ACTR3: variants seen among roughly 807,000 people sequenced by gnomAD.
ACTR3 encodes the protein actin related protein 3, also known as actin-related protein 3.
A neutral mutation model predicts 56.8 loss-of-function variants in ACTR3; 12 were observed. The observed-to-expected ratio is 0.21, with a 90% confidence interval of 0.14 to 0.34. ACTR3 has a LOEUF of 0.34. ACTR3 is among the 10% of genes least tolerant of loss of function. The pLI is 1.00. For missense variants in ACTR3, 282 were observed against 512.5 expected (o/e 0.55, Z 4.34); for synonymous variants, 162 against 167.4 (o/e 0.97, Z 0.25).
intron 1 of ACTR3, among the ~76,000 whole-genome samples, chr2:113,895,471 A>T (rs572770586): frequency 7.3e-5 from 11 of 151,530 alleles, no homozygotes; most frequent in South Asian, 4.1e-4. Flanking sequence ...TATGGTTTTT[A>T]AAAAAACTGT....
At chr2:113,955,488 A>G (rs1021714646) in intron 10 of ACTR3, 135 bp from the exon 11 acceptor site, 17 of 621,830 alleles carry the variant, frequency 2.7e-5, no homozygotes, top group Admixed American at 8.9e-5. Context: ...GCCAATCTCA[A>G]TTGTTTCTGG....
At chr2:113,914,474 G>A (rs562569284) in intron 2 of ACTR3, among the ~76,000 whole-genome samples, 84 of 152,152 alleles carry the variant, frequency 5.5e-4, no homozygotes, top group African/African-American at 1.9e-3. Flanking sequence ...AGCCAGGCAT[G>A]GTGGTGCACA....
At chr2:113,900,156 C>A (rs1012803290) in intron 1 of ACTR3, among the ~76,000 whole-genome samples, 6 of 151,826 alleles carry the variant, frequency 4.0e-5, no homozygotes, top group African/African-American at 1.5e-4. Context: ...AGTATAGTCA[C>A]AAGGTTGTGC....
intron 1 of ACTR3, among the ~76,000 whole-genome samples, chr2:113,901,956 G>T (rs753267779): frequency 1.3e-5 from 2 of 152,158 alleles, no homozygotes; most frequent in Non-Finnish European, 2.9e-5. Context: ...TTACAATGCA[G>T]GCATAAGTTG....
intron 3 of ACTR3, among the ~76,000 whole-genome samples, chr2:113,917,689 A>G (rs1455008583): frequency 6.6e-6 from 1 of 152,146 alleles, no homozygotes; most frequent in Non-Finnish European, 1.5e-5. Flanking sequence ...CCCTTCTCAT[A>G]ATTTATTCAT....
rs1680331618 is a variant in ACTR3, at chr2:113,961,847, GA to G, written c.*4395del. ...AGGGAGAAGTCCAGCTATGTAAGGTGAAAGTGGGGCTTATAAAAGTGGATCT... is the reference window on the plus strand; with the variant it reads ...AGGGAGAAGTCCAGCTATGTAAGGTGAAGTGGGGCTTATAAAAGTGGATCT... On this transcript the variant is annotated 3_prime_UTR_variant, in exon 12 of 12. Coordinates refer to ENST00000263238, the MANE Select transcript of ACTR3 (RefSeq NM_005721.5). 1 of 151,994 alleles carries G rather than the reference GA, an allele frequency of 6.6e-6. No homozygotes were observed. Among genetic ancestry groups the G allele is most frequent in the Admixed American group, 6.6e-5 (1 of 15,246 alleles). 9.4% of individuals were successfully genotyped at this position (151,994 alleles called of 1,614,324 possible). A position where few individuals can be genotyped will look rare whatever the true frequency, so the allele number is the denominator to read the frequency against.
At chr2:113,894,110 A>G (rs1479622284) in intron 1 of ACTR3, among the ~76,000 whole-genome samples, 5 of 147,972 alleles carry the variant, frequency 3.4e-5, no homozygotes, top group Non-Finnish European at 6.0e-5. Flanking sequence ...TTTTTTTGAG[A>G]TGGAGTTTTG....
intron 1 of ACTR3, among the ~76,000 whole-genome samples, chr2:113,910,694 T>C (rs947525858): frequency 1.9e-4 from 29 of 152,156 alleles, no homozygotes; most frequent in African/African-American, 7.0e-4. Context: ...CTCCACACAT[T>C]TGGTCCCAGA....
intron 8 of ACTR3, chr2:113,951,128 A>G (rs1414223292): frequency 1.8e-5 from 3 of 171,304 alleles, no homozygotes; most frequent in Admixed American, 1.7e-4. Flanking sequence ...GGGGACACAG[A>G]GCCAGACCAT....
In ACTR3 at chr2:113,925,341, A is replaced by G. The variant is rs894742141; in HGVS notation, c.226-2004A>G. On this transcript the variant is annotated intron_variant, in intron 3 of 11. Transcript: ENST00000263238. ...CTCCCGAGTAGCTGGGATTATAGGC[A>G]TGCACCACCACGCCTGGCTAATTTT... Among the ~76,000 whole-genome samples, 3 of 150,776 alleles carry G rather than the reference A, an allele frequency of 2.0e-5. No homozygotes were observed. In the East Asian group the frequency reaches 5.9e-4, roughly 30 times the overall value.
Position 113,955,669 on chromosome 2 carries a change from A to G in ACTR3, c.1124A>G (p.Tyr375Cys). 6.2e-7 allele frequency: 1 copy of G among 1,613,600 alleles called. No individual in the cohort carries two copies. Reference protein sequence around the residue: ...VQVITHHMQRYAVWFGGSMLA... With the variant: ...VQVITHHMQRCAVWFGGSMLA... ...GTCATTACACACCACATGCAGCGAT[A>G]TGCAGTTTGGTTTGGAGGATCAATG... Residue 375 changes from tyrosine (Y) to cysteine (C), a missense_variant, in exon 11 of 12, where the codon TAT becomes TGT. Tyr to Cys is a radical substitution (Grantham distance 194). Transcript: ENST00000263238.
chr2:113,906,959 A>G (rs763924520), intron 1 of ACTR3, among the ~76,000 whole-genome samples: 3 of 152,052 alleles, frequency 2.0e-5, no homozygotes, highest in Non-Finnish European at 2.9e-5. Context: ...GAATGTTAGG[A>G]TGGATTTTTC....
intron 1 of ACTR3, chr2:113,890,545 C>T (rs1678867748): frequency 7.3e-7 from 1 of 1,374,180 alleles, no homozygotes; most frequent in Non-Finnish European, 9.4e-7. Context: ...CGAGATTCAA[C>T]CCCCAACCCT....
intron 3 of ACTR3, among the ~76,000 whole-genome samples, chr2:113,926,928 T>G (rs961125295): frequency 1.3e-5 from 2 of 152,318 alleles, no homozygotes; most frequent in East Asian, 3.9e-4. Context: ...AGGTGCACTT[T>G]TTATATTCGG....
rs1018762973 is a variant in ACTR3 at position 113,961,338 on chromosome 2, T to A, written c.*3883T>A. On this transcript the variant is annotated 3_prime_UTR_variant, in exon 12 of 12. Coordinates refer to ENST00000263238, the MANE Select transcript of ACTR3 (RefSeq NM_005721.5). Reference sequence around the variant, plus strand: ...TAACCTATTTGAGTTAAGGATTTATTACTAGTGCTCCAGTGGTCACAGGAA... The same window carrying A: ...TAACCTATTTGAGTTAAGGATTTATAACTAGTGCTCCAGTGGTCACAGGAA... The A allele has an allele frequency of 6.6e-6, 1 of 151,926 alleles. No individual in the cohort carries two copies. The highest frequency in any genetic ancestry group is 2.4e-5 in the African/African-American group (1 of 41,418). 9.4% of individuals were successfully genotyped at this position (151,926 alleles called of 1,614,324 possible).
At chr2:113,913,973 T>G (rs1679355930) in intron 2 of ACTR3, among the ~76,000 whole-genome samples, 1 of 152,238 alleles carries the variant, frequency 6.6e-6, no homozygotes, top group Non-Finnish European at 1.5e-5. Context: ...TACAGCCAAA[T>G]TAAAACTTTT....
intron 10 of ACTR3, chr2:113,952,092 C>T (rs371735386): frequency 3.6e-4 from 144 of 403,598 alleles, no homozygotes; most frequent in East Asian, 7.2e-4. Context: ...TTTTTAAATA[C>T]CTCTCTCATA....
intron 4 of ACTR3, among the ~76,000 whole-genome samples, chr2:113,928,904 T>G (rs897226648): frequency 6.6e-6 from 1 of 152,218 alleles, no homozygotes; most frequent in Non-Finnish European, 1.5e-5. Context: ...TGACAACCAC[T>G]GTTTCTTTTT....
At position 113,890,394 on chromosome 2, in the gene ACTR3, C is replaced by T. The variant is rs191693577; in HGVS notation, c.44+71C>T. 1.9e-3 allele frequency: 2,659 copies of T among 1,414,184 alleles called. 55 individuals carry two copies. The African/African-American group carries it at 0.034, about 18-fold the overall frequency. The allele number at this position is 1,414,184 out of a possible 1,614,324, so 87.6% of individuals were successfully genotyped here. A position where few individuals can be genotyped will look rare whatever the true frequency, so the allele number is the denominator to read the frequency against. ...GGAAGATGGCGGGGGAGGGAGGAGG[C>T]CGGGAAATGAATGGTGCGGCGAGGT... On this transcript the variant is annotated intron_variant, in intron 1 of 11. Coordinates refer to ENST00000263238, the MANE Select transcript of ACTR3 (RefSeq NM_005721.5).
Sources: gnomAD v4.1 joint callset for allele counts (sites outside exome capture counted in the v4.1 genomes callset) on GRCh38, gnomAD v4.1.1 for gene constraint, MANE v1.5 for transcripts, NCBI Gene and HGNC (gene_info 2026-07-23, HGNC 2026-07-21) for gene names.